Variants in SYT16 observed in about 807,000 individuals in gnomAD.
The protein encoded by SYT16 is synaptotagmin-16.
SYT16 carries 42 observed loss-of-function variants against 61.4 expected under a neutral mutation model. The ratio of observed to expected loss-of-function variants is 0.68; its 90% CI spans 0.53 to 0.89. The LOEUF (loss-of-function observed/expected upper bound fraction) is 0.89. SYT16 is among the 40% of genes least tolerant of loss of function. The probability of loss-of-function intolerance (pLI) is 0.00; values close to 1 mark genes in which losing one functional copy is unlikely to be tolerated. For missense variants in SYT16, 804 were observed against 807.3 expected, an observed-to-expected ratio of 1.00 and a Z score of 0.05; for synonymous variants, 314 against 302.3, an observed-to-expected ratio of 1.04 and a Z score of -0.40.
intron 1 of SYT16, among the ~76,000 whole-genome samples, chr14:61,961,321 A>C (rs1484970914): frequency 6.6e-6 from 1 of 152,220 alleles, no homozygotes; most frequent in African/African-American, 2.4e-5. Context: ...CTATCAACAG[A>C]GTAAACTAAC....
At chr14:61,820,802 C>G (rs548640097) in intron 1 of SYT16, among the ~76,000 whole-genome samples, 10 of 152,206 alleles carry the variant, frequency 6.6e-5, no homozygotes, top group African/African-American at 2.2e-4. Context: ...TGTTGATAAG[C>G]CTGAAAAATT....
intron 3 of SYT16, among the ~76,000 whole-genome samples, chr14:62,044,589 A>G (rs1314808799): frequency 6.6e-6 from 1 of 152,082 alleles, no homozygotes; most frequent in Non-Finnish European, 1.5e-5. Context: ...GCTGAGAATG[A>G]TGGTTTCTAG....
chr14:61,995,886 TGA>T lies in SYT16; in HGVS notation c.-130_-129del. The T allele has an allele frequency of 3.4e-6, 3 of 894,518 alleles. No homozygotes were observed. The highest frequency in any genetic ancestry group is 4.9e-6 in the Non-Finnish European group (3 of 615,042). 55.4% of individuals were successfully genotyped at this position (894,518 alleles called of 1,614,324 possible). On this transcript the variant is annotated 5_prime_UTR_variant, in exon 3 of 8. It introduces an in-frame stop codon into an upstream open reading frame of the 5' UTR. Transcript: ENST00000683842. ...TTTCCTCTGTTTCAGCTGGAAGTTTTGAGAGTGAAATATTCACAGCCATTAAG... is the reference window on the plus strand; with the variant it reads ...TTTCCTCTGTTTCAGCTGGAAGTTTTGAGTGAAATATTCACAGCCATTAAG...
At chr14:61,889,863 C>T (rs1424728949) in intron 1 of SYT16, among the ~76,000 whole-genome samples, 1 of 151,824 alleles carries the variant, frequency 6.6e-6, no homozygotes, top group Non-Finnish European at 1.5e-5. Flanking sequence ...GACTAAGACA[C>T]TCATTTAGCA....
chr14:61,944,604 C>G (rs2050344408), intron 1 of SYT16, among the ~76,000 whole-genome samples: 1 of 152,194 alleles, frequency 6.6e-6, no homozygotes, highest in African/African-American at 2.4e-5. Context: ...ACCATGTGAT[C>G]TTTGGCAAAC....
chr14:61,983,778 T>C (rs2052187492), intron 2 of SYT16, among the ~76,000 whole-genome samples: 1 of 152,178 alleles, frequency 6.6e-6, no homozygotes, highest in African/African-American at 2.4e-5. Flanking sequence ...TCCTCCTACG[T>C]TGGCCACTCA....
intron 3 of SYT16, among the ~76,000 whole-genome samples, chr14:62,062,730 G>A (rs1193012019): frequency 1.3e-5 from 2 of 151,872 alleles, no homozygotes; most frequent in African/African-American, 4.8e-5. Flanking sequence ...AACACAGGCA[G>A]CCATTTGCTG....
chr14:62,001,714 C>T (rs1247222649), intron 3 of SYT16, among the ~76,000 whole-genome samples: 2 of 151,944 alleles, frequency 1.3e-5, no homozygotes, highest in Non-Finnish European at 2.9e-5. Context: ...TTCTGGTATT[C>T]AGTTGTACAA....
At position 61,854,514 on chromosome 14, in the gene SYT16, G is replaced by A. The variant is rs75570083; in HGVS notation, c.-325+41704G>A. Among the ~76,000 whole-genome samples, 1,345 of 152,280 alleles carry A rather than the reference G, an allele frequency of 8.8e-3. 10 individuals carry two copies. Among genetic ancestry groups the A allele is most frequent in the Non-Finnish European group, 0.013 (906 of 68,020 alleles). On this transcript the variant is annotated intron_variant, in intron 1 of 7. Coordinates refer to ENST00000683842, the MANE Select transcript of SYT16 (RefSeq NM_001367656.1). ...ATAGTAAGAAATAGTAAGTGGATTG[G>A]CTTTTGCTTGTGCCTTTCCTTTTTT...
intron 3 of SYT16, among the ~76,000 whole-genome samples, chr14:62,040,036 T>C (rs547799665): frequency 6.6e-6 from 1 of 152,124 alleles, no homozygotes; most frequent in Non-Finnish European, 1.5e-5. Flanking sequence ...CTTTTTTTTT[T>C]TCTCTTTTAC....
At chr14:61,862,427 T>A (rs2046992798) in intron 1 of SYT16, among the ~76,000 whole-genome samples, 1 of 152,240 alleles carries the variant, frequency 6.6e-6, no homozygotes, top group South Asian at 2.1e-4. Flanking sequence ...GATTCATCAT[T>A]GTTCTTGTGT....
intron 3 of SYT16, among the ~76,000 whole-genome samples, chr14:62,054,572 G>C (rs926940725): frequency 2.0e-5 from 3 of 151,874 alleles, no homozygotes; most frequent in Non-Finnish European, 4.4e-5. Context: ...ATGTTGCCCA[G>C]GCTGGTTTCA....
At chr14:62,067,196 A>C (rs1025701906) in intron 3 of SYT16, among the ~76,000 whole-genome samples, 1 of 152,194 alleles carries the variant, frequency 6.6e-6, no homozygotes, top group African/African-American at 2.4e-5. Context: ...ATATTTAACA[A>C]GTATTTATGA....
intron 4 of SYT16, among the ~76,000 whole-genome samples, chr14:62,070,240 G>A (rs373056149): frequency 1.8e-4 from 28 of 152,220 alleles, no homozygotes; most frequent in African/African-American, 5.8e-4. Flanking sequence ...GTATAACTCC[G>A]GAAGATATTT....
At chr14:62,006,096 T>G (rs554033176) in intron 3 of SYT16, among the ~76,000 whole-genome samples, 2 of 152,306 alleles carry the variant, frequency 1.3e-5, no homozygotes, top group Admixed American at 1.3e-4. Flanking sequence ...TTTCTCTTTC[T>G]TCAAAATATT....
intron 1 of SYT16, among the ~76,000 whole-genome samples, chr14:61,931,105 A>T (rs923083009): frequency 2.0e-5 from 3 of 152,154 alleles, no homozygotes; most frequent in African/African-American, 7.2e-5. Context: ...TCCAATGCAC[A>T]TGCAGATCTC....
intron 1 of SYT16, among the ~76,000 whole-genome samples, chr14:61,901,181 C>T (rs1459613368): frequency 1.3e-5 from 2 of 152,194 alleles, no homozygotes; most frequent in Non-Finnish European, 2.9e-5. Flanking sequence ...ACCAGTTTGT[C>T]TTCACCTGGA....
At chr14:61,963,495 C>T (rs1188930178) in intron 1 of SYT16, among the ~76,000 whole-genome samples, 1 of 152,114 alleles carries the variant, frequency 6.6e-6, no homozygotes, top group Non-Finnish European at 1.5e-5. Context: ...CAGAGTAAAA[C>T]CCTAAGTCTC....
At chr14:61,987,704 G>T (rs1008042607) in intron 2 of SYT16, among the ~76,000 whole-genome samples, 2 of 151,272 alleles carry the variant, frequency 1.3e-5, no homozygotes, top group Admixed American at 6.6e-5. Flanking sequence ...AAAATAATTG[G>T]AGTTGTGTTA....
Sources: gnomAD v4.1 joint callset for allele counts (sites outside exome capture counted in the v4.1 genomes callset) on GRCh38, gnomAD v4.1.1 for gene constraint, MANE v1.5 for transcripts, NCBI Gene and HGNC (gene_info 2026-07-23, HGNC 2026-07-21) for gene names.